The following NAV2 variants were observed in gnomAD, a reference collection of about 807,000 sequenced individuals.
The protein encoded by NAV2 is neuron navigator 2, also known as helicase, APC down-regulated 1.
Under a neutral mutation model 223.2 loss-of-function variants are expected in NAV2, and 54 were observed. The observed-to-expected ratio is 0.24, with a 90% CI of 0.19 to 0.30. The LOEUF is 0.30. NAV2 is among the 10% of genes least tolerant of loss of function. The pLI is 1.00. For synonymous variants in NAV2, 1,279 were observed against 1,239.3 expected, an observed-to-expected ratio of 1.03 and a Z score of -0.67; for missense variants, 2,806 against 3,147.5, an observed-to-expected ratio of 0.89 and a Z score of 2.60.
chr11:19,688,549 G>A (rs1299379089), intron 1 of NAV2, among the ~76,000 whole-genome samples: 1 of 152,152 alleles, frequency 6.6e-6, no homozygotes, highest in African/African-American at 2.4e-5. Context: ...AGCAAAACAA[G>A]GAGAATTATT....
chr11:20,087,143 G>A (rs1433663183), intron 26 of NAV2, among the ~76,000 whole-genome samples: 2 of 152,202 alleles, frequency 1.3e-5, no homozygotes, highest in Non-Finnish European at 2.9e-5. Context: ...GAGCAGAGAG[G>A]AGAAACTGTT....
intron 5 of NAV2, among the ~76,000 whole-genome samples, chr11:19,891,059 C>T (rs538545780): frequency 3.9e-5 from 6 of 152,310 alleles, no homozygotes; most frequent in African/African-American, 1.2e-4. Flanking sequence ...TCCCCTCACA[C>T]CAGCTCATGT....
intron 12 of NAV2, among the ~76,000 whole-genome samples, chr11:20,043,410 G>T: frequency 6.6e-6 from 1 of 151,888 alleles, no homozygotes; most frequent in African/African-American, 2.4e-5. Context: ...TTTTTCCTGG[G>T]CCCCTTTTCC....
intron 1 of NAV2, among the ~76,000 whole-genome samples, chr11:19,573,891 C>A (rs1199283155): frequency 1.3e-5 from 2 of 152,146 alleles, no homozygotes; most frequent in East Asian, 1.9e-4. Flanking sequence ...CAAGTGCTTT[C>A]AGCACTTGGG....
intron 28 of NAV2, among the ~76,000 whole-genome samples, chr11:20,092,713 T>A (rs75453079): frequency 0.015 from 2,251 of 152,302 alleles, 21 homozygotes; most frequent in African/African-American, 0.023. Context: ...GGCAGTGGCT[T>A]GGTCTATGAT....
chr11:19,966,586 C>T (rs1442645747), intron 10 of NAV2, among the ~76,000 whole-genome samples: 1 of 152,224 alleles, frequency 6.6e-6, no homozygotes, highest in African/African-American at 2.4e-5. Context: ...TTCCTTGATA[C>T]AGACACCATG....
intron 1 of NAV2, among the ~76,000 whole-genome samples, chr11:19,410,645 G>T (rs1850106205): frequency 6.6e-6 from 1 of 152,148 alleles, no homozygotes; most frequent in African/African-American, 2.4e-5. Context: ...AGAAAGAAAA[G>T]CATGTAAAAC....
At chr11:19,772,831 T>C (rs927302030) in intron 1 of NAV2, among the ~76,000 whole-genome samples, 4 of 152,208 alleles carry the variant, frequency 2.6e-5, no homozygotes, top group Admixed American at 6.5e-5. Flanking sequence ...CTGAGCTTTT[T>C]CCCATTAGTC....
Position 19,523,713 on chromosome 11 carries a change from CAAGGTTTGCA to C in NAV2, c.75+172690_75+172699del, listed in dbSNP as rs374759012. 2.4e-3 allele frequency among the ~76,000 whole-genome samples: 358 copies of C among 152,336 alleles called. 1 individual carries two copies. The highest frequency in any genetic ancestry group is 8.2e-3 in the African/African-American group (339 of 41,572). ...CGTTTGCACATTGCAAGAGCTTGAT[CAAGGTTTGCA>C]AAGCAATTGCTCTTCAGGACTCGTC... On this transcript the variant is annotated intron_variant, in intron 1 of 37. Coordinates refer to the NAV2 transcript ENST00000360655.
intron 11 of NAV2, among the ~76,000 whole-genome samples, chr11:20,023,700 G>GTGTGTGTA (rs60535444): frequency 6.9e-4 from 1 of 1,444 alleles, no homozygotes; most frequent in East Asian, 5.3e-3. Flanking sequence ...AAATTGCTGG[G>GTGTGTGTA]TGTGTGTGTG....
intron 1 of NAV2, among the ~76,000 whole-genome samples, chr11:19,725,763 C>T (rs1008466554): frequency 5.9e-5 from 9 of 152,222 alleles, no homozygotes; most frequent in Non-Finnish European, 1.3e-4. Context: ...ATATGAATTG[C>T]CCACACCCAT....
chr11:19,672,504 A>C (rs1365108870), intron 1 of NAV2, among the ~76,000 whole-genome samples: 2 of 152,056 alleles, frequency 1.3e-5, no homozygotes, highest in Non-Finnish European at 2.9e-5. Context: ...CCACCCATAA[A>C]GGGGGTATCA....
At chr11:19,363,351 T>C (rs1854071693) in intron 1 of NAV2, among the ~76,000 whole-genome samples, 1 of 152,206 alleles carries the variant, frequency 6.6e-6, no homozygotes, top group African/African-American at 2.4e-5. Context: ...ATGGTGTACA[T>C]GTGCCACATT....
At chr11:19,578,058 G>A (rs7949494) in intron 1 of NAV2, among the ~76,000 whole-genome samples, 139,157 of 152,188 alleles carry the variant, frequency 0.91, 64,630 homozygotes, top group Non-Finnish European at 1. Context: ...CAAATGACTC[G>A]TATTCCTCCT....
At chr11:20,013,474 CTT>C (rs11357743) in intron 11 of NAV2, among the ~76,000 whole-genome samples, 200 of 148,590 alleles carry the variant, frequency 1.3e-3, no homozygotes, top group Middle Eastern at 3.5e-3. Context: ...CTTTGCCAAA[CTT>C]TTTTTTTTTT....
At chr11:20,062,817 C>A (rs2058790547) in intron 20 of NAV2, among the ~76,000 whole-genome samples, 1 of 152,208 alleles carries the variant, frequency 6.6e-6, no homozygotes. Flanking sequence ...GCCTCAGCTT[C>A]CTGAGTAGCT....
intron 10 of NAV2, among the ~76,000 whole-genome samples, chr11:19,971,666 G>A (rs772448469): frequency 1.3e-5 from 2 of 152,182 alleles, no homozygotes; most frequent in Admixed American, 6.5e-5. Flanking sequence ...GGAAGACAAT[G>A]ACTGATTTCC....
intron 1 of NAV2, among the ~76,000 whole-genome samples, chr11:19,519,160 A>G (rs570621953): frequency 2.6e-4 from 40 of 152,366 alleles, no homozygotes; most frequent in African/African-American, 8.9e-4. Flanking sequence ...AATAATAACA[A>G]GAACAACCAC....
At chr11:19,456,677 A>G (rs1851967979) in intron 1 of NAV2, among the ~76,000 whole-genome samples, 1 of 152,222 alleles carries the variant, frequency 6.6e-6, no homozygotes, top group African/African-American at 2.4e-5. Flanking sequence ...GGAGGCTTGG[A>G]GAACAAATAA....
Sources: allele counts gnomAD v4.1 joint callset (sites outside exome capture counted in the v4.1 genomes callset), GRCh38; gene constraint gnomAD v4.1.1; transcripts MANE v1.5; gene names NCBI Gene and HGNC (gene_info 2026-07-23, HGNC 2026-07-21).